The following TRPC3 variants were observed in gnomAD, a reference collection of about 807,000 sequenced individuals.
TRPC3 encodes the protein transient receptor potential cation channel subfamily C member 3, also known as short transient receptor potential channel 3.
In TRPC3, 54 loss-of-function variants were observed where a neutral mutation model predicts 90.9. The observed-to-expected ratio is 0.59, with a 90% confidence interval of 0.48 to 0.75. The LOEUF (loss-of-function observed/expected upper bound fraction) is 0.75. Ranked by LOEUF, TRPC3 falls within the 30% of genes least tolerant of loss-of-function variation. The pLI is 0.00. For missense variants in TRPC3, 918 were observed against 1,194.5 expected, an observed-to-expected ratio of 0.77 and a Z score of 3.41; for synonymous variants, 424 against 450.9, an observed-to-expected ratio of 0.94 and a Z score of 0.75.
At chr4:121,882,625 C>T (rs1727982101) in intron 10 of TRPC3, among the ~76,000 whole-genome samples, 196 bp from the exon 11 acceptor site, 1 of 152,040 alleles carries the variant, frequency 6.6e-6, no homozygotes, top group Non-Finnish European at 1.5e-5. Flanking sequence ...ACTGCATAAT[C>T]CACCAATACT....
At chr4:121,885,277 C>T (rs1196492832) in intron 10 of TRPC3, among the ~76,000 whole-genome samples, 1 of 152,194 alleles carries the variant, frequency 6.6e-6, no homozygotes, top group African/African-American at 2.4e-5. Context: ...TATTAGGAAG[C>T]TTGTCTAGTA....
chr4:121,907,274 A>C (rs1297355650), intron 7 of TRPC3, 29 bp downstream of exon 7: 1 of 1,564,512 alleles, frequency 6.4e-7, no homozygotes, highest in Non-Finnish European at 8.6e-7. Flanking sequence ...TCTCTTTATC[A>C]TACCTGTATA....
chr4:121,876,091 A>C lies in TRPC3; in HGVS notation c.*3645T>G, dbSNP rs1727754490. Reference sequence around the variant, plus strand: ...TTTTTTTTGTATTTTTTGTAGAGACAGTTTCACCATGTTGCCCTGCTGGTC... The same window carrying C: ...TTTTTTTTGTATTTTTTGTAGAGACCGTTTCACCATGTTGCCCTGCTGGTC... On this transcript the variant is annotated 3_prime_UTR_variant, in exon 12 of 12. Transcript: ENST00000379645. Among the ~76,000 whole-genome samples, 1 of 151,458 alleles carries C rather than the reference A, an allele frequency of 6.6e-6. No individual in the cohort carries two copies. The highest frequency in any genetic ancestry group is 2.1e-4 in the South Asian group (1 of 4,784).
At position 121,894,232 on chromosome 4, in the gene TRPC3, AAACTTT is replaced by A. The variant is rs199637310; in HGVS notation, c.2547+5374_2547+5379del. Among the ~76,000 whole-genome samples, 635 of 152,304 alleles carry A rather than the reference AAACTTT, an allele frequency of 4.2e-3. 8 individuals are homozygous for A. The highest frequency in any genetic ancestry group is 0.014 in the African/African-American group (595 of 41,570). On this transcript the variant is annotated intron_variant, in intron 10 of 11. Transcript: ENST00000379645. ...GAATACAATGTAACTACCAAAAGTAAAACTTTAACTTTAAAAAGAGACAAAGAAAGG... is the reference window on the plus strand; with the variant it reads ...GAATACAATGTAACTACCAAAAGTAAAACTTTAAAAAGAGACAAAGAAAGG...
intron 8 of TRPC3, 140 bp from the exon 9 acceptor site, chr4:121,903,201 T>C (rs1269313698): frequency 3.0e-6 from 2 of 664,564 alleles, no homozygotes; most frequent in South Asian, 2.2e-5. Flanking sequence ...ATATATTCTA[T>C]AGACCTACAC....
chr4:121,885,747 A>G (rs1728092852), intron 10 of TRPC3, among the ~76,000 whole-genome samples: 1 of 152,198 alleles, frequency 6.6e-6, no homozygotes. Context: ...TTCTTTAATT[A>G]AAGCTAGTAC....
intron 11 of TRPC3, among the ~76,000 whole-genome samples, chr4:121,882,064 CTACCT>C (rs577916911): frequency 2.2e-4 from 33 of 152,112 alleles, no homozygotes; most frequent in Non-Finnish European, 4.3e-4. Flanking sequence ...TACTTACTGA[CTACCT>C]TATGTCAGAA....
rs1441780280 is a variant in TRPC3, at chr4:121,874,580, T to C, written c.*5156A>G. Among the ~76,000 whole-genome samples the C allele has an allele frequency of 6.6e-6, 1 of 152,224 alleles. No individual in the cohort carries two copies. The highest frequency in any genetic ancestry group is 2.4e-5 in the African/African-American group (1 of 41,470). ...AATAAAACCGATCTTCAGAGGCCTC[T>C]CTTCTTGGCTTATAGATCGTCATCT... On this transcript the variant is annotated 3_prime_UTR_variant, in exon 12 of 12. Transcript: ENST00000379645.
chr4:121,887,369 A>G (rs1365105300), intron 10 of TRPC3, among the ~76,000 whole-genome samples: 2 of 152,204 alleles, frequency 1.3e-5, no homozygotes, highest in Admixed American at 1.3e-4. Context: ...TTCTACTTCA[A>G]TGGAGAGATT....
chr4:121,943,157 T>G (rs1353680491), intron 1 of TRPC3, among the ~76,000 whole-genome samples: 1 of 149,588 alleles, frequency 6.7e-6, no homozygotes, highest in African/African-American at 2.5e-5. Flanking sequence ...TTAAACCACA[T>G]CACTGAAGAC....
chr4:121,942,433 A>C (rs936545013), intron 1 of TRPC3, among the ~76,000 whole-genome samples: 2 of 152,146 alleles, frequency 1.3e-5, no homozygotes, highest in Admixed American at 6.5e-5. Flanking sequence ...ATGGTGGTGC[A>C]TGCCTATAAT....
At chr4:121,909,894 C>A (rs758629505) in intron 6 of TRPC3, among the ~76,000 whole-genome samples, 6 of 152,086 alleles carry the variant, frequency 3.9e-5, no homozygotes, top group Non-Finnish European at 8.8e-5. Context: ...TTTTCTTCCA[C>A]CTTGCAATAT....
intron 1 of TRPC3, among the ~76,000 whole-genome samples, chr4:121,937,961 G>C (rs1730185062): frequency 1.3e-5 from 2 of 151,774 alleles, no homozygotes; most frequent in South Asian, 2.1e-4. Context: ...GGAGTGTAGT[G>C]GGAGGATCTC....
intron 3 of TRPC3, among the ~76,000 whole-genome samples, chr4:121,921,330 G>A (rs1227792944): frequency 6.6e-6 from 1 of 151,654 alleles, no homozygotes; most frequent in South Asian, 2.1e-4. Context: ...AGACCATCCC[G>A]GCTAAAACGG....
rs1727773768 is a variant in TRPC3 at position 121,876,806 on chromosome 4, C to G, written c.*2930G>C. Among the ~76,000 whole-genome samples, 6 of 152,144 alleles carry G rather than the reference C, an allele frequency of 3.9e-5. No individual in the cohort carries two copies. Among genetic ancestry groups the G allele is most frequent in the Admixed American group, 3.9e-4 (6 of 15,262 alleles). On this transcript the variant is annotated 3_prime_UTR_variant, in exon 12 of 12. Coordinates refer to ENST00000379645, the MANE Select transcript of TRPC3 (RefSeq NM_001130698.2). The stretch of plus-strand genomic sequence containing the variant: ...CTCTGTAAATTCAATACAGCAGGCA[C>G]TTACAAAGTACCCAACTTTTCGAAC...
At chr4:121,937,073 A>T (rs1283742372) in intron 1 of TRPC3, among the ~76,000 whole-genome samples, 1 of 152,084 alleles carries the variant, frequency 6.6e-6, no homozygotes, top group East Asian at 1.9e-4. Flanking sequence ...AACACTCCTC[A>T]CTTTTCCTAA....
rs372025790 is a variant in TRPC3, at chr4:121,907,329, C to T, written c.2031G>A (p.Gly677=). The change falls in exon 7 of 12, where the codon GGG becomes GGA. Residue 677 remains glycine (G), a synonymous_variant. Coordinates refer to ENST00000379645, the MANE Select transcript of TRPC3 (RefSeq NM_001130698.2). ...GMFILYSYYL[G]AKVNAAFTTV... is the part of the protein sequence containing the mutation. ...TGGTAAAAGCAGCATTAACTTTAGC[C>T]CCAAGGTAGTAAGAATAAAGTATGA... The T allele has an allele frequency of 1.4e-5, 22 of 1,610,644 alleles. No homozygotes were observed. Among genetic ancestry groups the T allele is most frequent in the African/African-American group, 2.7e-5 (2 of 74,628 alleles).
intron 1 of TRPC3, among the ~76,000 whole-genome samples, chr4:121,944,563 A>T (rs1005348879): frequency 6.6e-6 from 1 of 152,182 alleles, no homozygotes; most frequent in Non-Finnish European, 1.5e-5. Context: ...AATCCTTAAA[A>T]TTCTAACTCA....
chr4:121,887,105 C>T (rs1412200936), intron 10 of TRPC3, among the ~76,000 whole-genome samples: 1 of 152,140 alleles, frequency 6.6e-6, no homozygotes, highest in Non-Finnish European at 1.5e-5. Flanking sequence ...TGCCCTCAGG[C>T]GTGGGTAGAG....
Sources: gnomAD v4.1 joint callset for allele counts (sites outside exome capture counted in the v4.1 genomes callset) on GRCh38, gnomAD v4.1.1 for gene constraint, MANE v1.5 for transcripts, NCBI Gene and HGNC (gene_info 2026-07-23, HGNC 2026-07-21) for gene names.